RSRC1: variants seen among roughly 807,000 people sequenced by gnomAD.
RSRC1 encodes the protein serine/Arginine-related protein 53.
Under a neutral mutation model 49.1 loss-of-function variants are expected in RSRC1, and 39 were observed. That is an observed-to-expected ratio of 0.79 (90% confidence interval 0.61 to 1.04). RSRC1 has a LOEUF of 1.04. RSRC1 is among the 50% of genes least tolerant of loss of function. The pLI is 0.00. For missense variants in RSRC1, 388 were observed against 402.4 expected (o/e 0.96, Z 0.31); for synonymous variants, 143 against 130.8 (o/e 1.09, Z -0.63).
At chr3:158,332,763 C>A (rs1313145260) in intron 5 of RSRC1, among the ~76,000 whole-genome samples, 1 of 151,034 alleles carries the variant, frequency 6.6e-6, no homozygotes, top group Non-Finnish European at 1.5e-5. Flanking sequence ...ATGTATTTTT[C>A]TATGATAGCA....
chr3:158,370,277 G>T (rs1407779987), intron 6 of RSRC1, among the ~76,000 whole-genome samples: 1 of 151,884 alleles, frequency 6.6e-6, no homozygotes, highest in Non-Finnish European at 1.5e-5. Flanking sequence ...ATTTAAACAT[G>T]ATAAAATTCC....
At chr3:158,495,621 G>A (rs1248508023) in intron 7 of RSRC1, among the ~76,000 whole-genome samples, 2 of 152,146 alleles carry the variant, frequency 1.3e-5, no homozygotes, top group Non-Finnish European at 2.9e-5. Context: ...TTTAGTTTCT[G>A]ATTATGCACA....
chr3:158,198,779 G>T (rs1183254148), intron 3 of RSRC1, among the ~76,000 whole-genome samples: 3 of 152,134 alleles, frequency 2.0e-5, no homozygotes, highest in Non-Finnish European at 4.4e-5. Flanking sequence ...GTAGACTGGA[G>T]CTGTTCGTAT....
chr3:158,225,635 G>A (rs1352709069), intron 4 of RSRC1: 1 of 443,312 alleles, frequency 2.3e-6, no homozygotes, highest in East Asian at 7.0e-5. Context: ...ATATTAATGA[G>A]TTATTTGGGA....
intron 5 of RSRC1, among the ~76,000 whole-genome samples, chr3:158,309,512 A>G (rs1728016582): frequency 1.3e-5 from 2 of 151,880 alleles, no homozygotes; most frequent in Admixed American, 6.6e-5. Flanking sequence ...TGGAAATGAC[A>G]GAAGGCCAAC....
intron 3 of RSRC1, among the ~76,000 whole-genome samples, chr3:158,200,454 T>G (rs1395184691): frequency 6.6e-6 from 1 of 152,218 alleles, no homozygotes; most frequent in Non-Finnish European, 1.5e-5. Flanking sequence ...TTTGACAAAC[T>G]GCCTTTTTAC....
At chr3:158,180,065 T>C (rs924011869) in intron 3 of RSRC1, among the ~76,000 whole-genome samples, 1 of 152,206 alleles carries the variant, frequency 6.6e-6, no homozygotes, top group African/African-American at 2.4e-5. Context: ...TGTCCTTTTT[T>C]TCTAATTGAA....
At chr3:158,400,226 G>A (rs1001978021) in intron 6 of RSRC1, among the ~76,000 whole-genome samples, 49 of 151,946 alleles carry the variant, frequency 3.2e-4, no homozygotes, top group African/African-American at 1.0e-3. Context: ...GTCCTAAAAT[G>A]TCATAATTCA....
At chr3:158,505,414 A>G (rs1252215535) in intron 7 of RSRC1, among the ~76,000 whole-genome samples, 2 of 152,178 alleles carry the variant, frequency 1.3e-5, no homozygotes, top group African/African-American at 2.4e-5. Context: ...TCACTGAGCC[A>G]GTTTATATTT....
intron 4 of RSRC1, among the ~76,000 whole-genome samples, chr3:158,291,177 G>T (rs1726915598): frequency 6.6e-6 from 1 of 152,168 alleles, no homozygotes; most frequent in Non-Finnish European, 1.5e-5. Flanking sequence ...CTGGGTGACA[G>T]AATGTCTCTT....
chr3:158,117,460 G>A (rs192235596), intron 1 of RSRC1, among the ~76,000 whole-genome samples: 1 of 152,208 alleles, frequency 6.6e-6, no homozygotes, highest in East Asian at 1.9e-4. Context: ...ACCATGCTCA[G>A]CTGATTTTTT....
chr3:158,224,627 G>A (rs1318783128), intron 4 of RSRC1, among the ~76,000 whole-genome samples: 1 of 151,732 alleles, frequency 6.6e-6, no homozygotes, highest in Non-Finnish European at 1.5e-5. Context: ...AAGTAGCAGT[G>A]CAGGTGGGGT....
rs1180614826 is a variant in RSRC1, at chr3:158,539,377, T to C, written c.759+2179T>C. Among the ~76,000 whole-genome samples, 1 of 152,110 alleles carries C rather than the reference T, an allele frequency of 6.6e-6. No individual in the cohort carries two copies. The highest frequency in any genetic ancestry group is 1.9e-4 in the East Asian group (1 of 5,188). On this transcript the variant is annotated intron_variant, in intron 8 of 9. Transcript: ENST00000611884. This position sits in a 1 kb window ranked among gnomAD's most constrained non-coding sequence, Gnocchi z 4.1. The stretch of plus-strand genomic sequence containing the variant: ...TATTGATTTAACTAGTTTTACTCTC[T>C]GAAATCGTATTTCTTTTGTCTGAGT...
chr3:158,170,307 CTTT>C (rs11400606), intron 3 of RSRC1, among the ~76,000 whole-genome samples: 1 of 143,184 alleles, frequency 7.0e-6, no homozygotes. Flanking sequence ...TCTGGTCTGC[CTTT>C]TTTTTTTTTC....
At chr3:158,305,775 ATTTTAGGAAGAGC>A (rs1402886838) in intron 5 of RSRC1, among the ~76,000 whole-genome samples, 4 of 152,056 alleles carry the variant, frequency 2.6e-5, no homozygotes, top group Non-Finnish European at 5.9e-5. Flanking sequence ...CAGCCTGTTT[ATTTTAGGAAGAGC>A]ACAGCACAAG....
chr3:158,301,304 T>G (rs1363494757), intron 5 of RSRC1, among the ~76,000 whole-genome samples: 1 of 152,192 alleles, frequency 6.6e-6, no homozygotes, highest in Non-Finnish European at 1.5e-5. Flanking sequence ...GATTCTTGTC[T>G]GATGATTGCA....
chr3:158,348,709 T>G (rs2108228060), intron 5 of RSRC1, among the ~76,000 whole-genome samples: 1 of 152,228 alleles, frequency 6.6e-6, no homozygotes, highest in Non-Finnish European at 1.5e-5. Flanking sequence ...ACTCAGTAGG[T>G]AACTTTTCAC....
At chr3:158,202,485 C>T (rs759702572) in intron 3 of RSRC1, among the ~76,000 whole-genome samples, 15 of 143,252 alleles carry the variant, frequency 1.0e-4, no homozygotes, top group South Asian at 2.3e-4. Flanking sequence ...TGGATCCATG[C>T]GGTTGAAACC....
chr3:158,229,543 GT>G (rs1220610325), intron 4 of RSRC1, among the ~76,000 whole-genome samples: 81 of 132,702 alleles, frequency 6.1e-4, no homozygotes, highest in Middle Eastern at 3.9e-3. Context: ...TGTGTTTTTT[GT>G]TTTTTTTTTT....
Sources: gnomAD v4.1 joint callset for allele counts (sites outside exome capture counted in the v4.1 genomes callset) on GRCh38, gnomAD v4.1.1 for gene constraint, Gnocchi (gnomAD v3.1) non-coding constraint, MANE v1.5 for transcripts, NCBI Gene and HGNC (gene_info 2026-07-23, HGNC 2026-07-21) for gene names.